ZNF831: variants seen among roughly 807,000 people sequenced by gnomAD.
ZNF831 encodes the protein chromosome 20 open reading frame 174.
Under a neutral mutation model 95.8 loss-of-function variants are expected in ZNF831, and 59 were observed. The observed-to-expected ratio is 0.62, with a 90% CI of 0.50 to 0.77. The LOEUF is 0.77. ZNF831 is among the 30% of genes least tolerant of loss of function. The pLI is 0.00. For missense variants in ZNF831, 2,205 were observed against 2,164.0 expected, an observed-to-expected ratio of 1.02 and a Z score of -0.38; for synonymous variants, 961 against 925.5, an observed-to-expected ratio of 1.04 and a Z score of -0.70.
At chr20:59,137,097 C>A (rs1465140923) in intron 1 of ZNF831, among the ~76,000 whole-genome samples, 1 of 152,140 alleles carries the variant, frequency 6.6e-6, no homozygotes, top group Non-Finnish European at 1.5e-5. Context: ...GATCCATCAC[C>A]CACCTCTGGA....
At position 59,191,537 on chromosome 20, in the gene ZNF831, C is replaced by T. The variant is rs775463208; in HGVS notation, c.518C>T (p.Pro173Leu). Residue 173 changes from proline to leucine, a missense_variant, in exon 2 of 6, where the codon CCG becomes CTG. Transcript: ENST00000371030. Reference protein sequence around the residue: ...IRSHTGERPFPCATCGIAFKT... With the variant: ...IRSHTGERPFLCATCGIAFKT... The stretch of plus-strand genomic sequence containing the variant: ...TCCCACACGGGTGAGAGGCCCTTCC[C>T]GTGTGCCACCTGCGGCATCGCCTTT... The T allele has an allele frequency of 6.2e-7, 1 of 1,613,136 alleles. No homozygotes were observed. The highest frequency in any genetic ancestry group is 8.5e-7 in the Non-Finnish European group (1 of 1,179,996).
At chr20:59,242,754 C>T (rs951011193) in intron 4 of ZNF831, among the ~76,000 whole-genome samples, 1 of 152,204 alleles carries the variant, frequency 6.6e-6, no homozygotes, top group African/African-American at 2.4e-5. Flanking sequence ...ATGTATTTTT[C>T]TGCTCTTTCG....
At position 59,258,883 on chromosome 20, in the gene ZNF831, A is replaced by G. The variant is rs1331185638; in HGVS notation, c.*4140A>G. On this transcript the variant is annotated 3_prime_UTR_variant, in exon 6 of 6. Transcript: ENST00000371030. ...AAGAAGTATAGGAACAGTTGAGCAC[A>G]TTACTTCACCACTGGAAGAATAGGA... is the stretch of plus-strand genomic sequence containing the variant. 1.3e-5 allele frequency: 2 copies of G among 152,208 alleles called. No individual in the cohort carries two copies. The highest frequency in any genetic ancestry group is 2.9e-5 in the Non-Finnish European group (2 of 68,038). The allele number at this position is 152,208 out of a possible 1,614,324, so 9.4% of individuals were successfully genotyped here. A position where few individuals can be genotyped will look rare whatever the true frequency, so the allele number is the denominator to read the frequency against.
In ZNF831 at chr20:59,194,008, T is replaced by C. The variant is rs2146592787; in HGVS notation, c.2989T>C (p.Ser997Pro). ...PLSPSPASGPSPGEADSILED... is the reference protein window; with the variant it reads ...PLSPSPASGPPPGEADSILED... Reference sequence around the variant, plus strand: ...TTCTCCCAGCCCAGCCTCAGGCCCCTCCCCAGGTGAGGCGGACAGCATCCT... The same window carrying C: ...TTCTCCCAGCCCAGCCTCAGGCCCCCCCCCAGGTGAGGCGGACAGCATCCT... Residue 997 changes from serine (S) to proline (P), a missense_variant, in exon 2 of 6, where the codon TCC (serine) becomes CCC (proline). Ser to Pro is a moderately conservative substitution (Grantham distance 74, BLOSUM62 -1). Transcript: ENST00000371030. The C allele has an allele frequency of 6.5e-7, 1 of 1,527,802 alleles. No homozygotes were observed. Among genetic ancestry groups the C allele is most frequent in the Non-Finnish European group, 8.8e-7 (1 of 1,139,828 alleles). The allele number at this position is 1,527,802 out of a possible 1,614,324, so 94.6% of individuals were successfully genotyped here. A position where few individuals can be genotyped will look rare whatever the true frequency, so the allele number is the denominator to read the frequency against.
chr20:59,210,401 T>G (rs570422357), intron 4 of ZNF831, among the ~76,000 whole-genome samples: 7 of 152,200 alleles, frequency 4.6e-5, no homozygotes, highest in Non-Finnish European at 8.8e-5. Context: ...ATGTGAGGAT[T>G]GTGTTTGTTG....
chr20:59,198,877 T>G (rs186175848), intron 3 of ZNF831, among the ~76,000 whole-genome samples: 6 of 152,274 alleles, frequency 3.9e-5, no homozygotes, highest in Admixed American at 3.9e-4. Context: ...CTCCTCCTCT[T>G]GCTCCTCACA....
intron 1 of ZNF831, among the ~76,000 whole-genome samples, chr20:59,129,221 GTGTA>G (rs1979273356): frequency 6.6e-6 from 1 of 152,136 alleles, no homozygotes; most frequent in Non-Finnish European, 1.5e-5. Context: ...TGTGTATGTT[GTGTA>G]TGTATGTGTG....
At chr20:59,164,860 G>T (rs1199087962) in intron 1 of ZNF831, among the ~76,000 whole-genome samples, 1 of 152,150 alleles carries the variant, frequency 6.6e-6, no homozygotes, top group African/African-American at 2.4e-5. Context: ...CTTTCCCGTA[G>T]CAAATCTTTC....
chr20:59,248,927 C>T (rs1404578027), intron 4 of ZNF831, among the ~76,000 whole-genome samples: 12 of 152,180 alleles, frequency 7.9e-5, no homozygotes, highest in Admixed American at 4.6e-4. Flanking sequence ...ACCTCTCTCC[C>T]GAGTTTGGCT....
chr20:59,221,560 A>G (rs1986076062), intron 4 of ZNF831, among the ~76,000 whole-genome samples: 1 of 152,166 alleles, frequency 6.6e-6, no homozygotes, highest in Non-Finnish European at 1.5e-5. Context: ...GTTTCCTCCA[A>G]ATGTTTTTCC....
chr20:59,154,477 T>C (rs1397535592), intron 2 of ZNF831, among the ~76,000 whole-genome samples: 1 of 152,172 alleles, frequency 6.6e-6, no homozygotes, highest in Admixed American at 6.5e-5. Context: ...CTCCTTTTCC[T>C]TCCACTTTCC....
rs1432078773 is a variant in ZNF831 at position 59,194,283 on chromosome 20, G to A, written c.3264G>A (p.Arg1088=). The A allele has an allele frequency of 1.2e-6, 2 of 1,613,894 alleles. No individual in the cohort carries two copies. Among genetic ancestry groups the A allele is most frequent in the Non-Finnish European group, 1.7e-6 (2 of 1,180,014 alleles). ...TGGGCAGCACTTTGGCAAGGGCCAG[G>A]CTCTCTGGGGATGTCCTGAATCCCT... is the stretch of plus-strand genomic sequence containing the variant. ...LCMGSTLARA[R]LSGDVLNPWV... The change falls in exon 2 of 6, where the codon AGG becomes AGA. Residue 1088 remains arginine (R), a synonymous_variant. Transcript: ENST00000371030.
Position 59,194,632 on chromosome 20 carries a change from G to A in ZNF831, c.3613G>A (p.Val1205Met), listed in dbSNP as rs2146602744. Residue 1205 changes from valine (V) to methionine (M), a missense_variant, in exon 2 of 6, where the codon GTG becomes ATG. Val to Met is a conservative substitution (Grantham distance 21). Coordinates refer to ENST00000371030, the MANE Select transcript of ZNF831 (RefSeq NM_178457.3). ...PAEQKAKAASVYLAVHFPGSS... is the reference protein window; with the variant it reads ...PAEQKAKAASMYLAVHFPGSS... The stretch of plus-strand genomic sequence containing the variant: ...GGAGCAGAAGGCAAAGGCGGCATCT[G>A]TGTACTTGGCGGTGCACTTTCCTGG... 6.2e-7 allele frequency: 1 copy of A among 1,613,624 alleles called. No individual in the cohort carries two copies.
intron 1 of ZNF831, among the ~76,000 whole-genome samples, chr20:59,170,923 C>T (rs998427936): frequency 5.3e-5 from 8 of 152,158 alleles, no homozygotes; most frequent in South Asian, 4.1e-4. Flanking sequence ...CAACCAGAGA[C>T]GTGGGTGTGT....
At chr20:59,140,689 G>A (rs1979650971) in intron 1 of ZNF831, among the ~76,000 whole-genome samples, 1 of 152,076 alleles carries the variant, frequency 6.6e-6, no homozygotes, top group Admixed American at 6.5e-5. Flanking sequence ...AACTGGGTCT[G>A]GGTGACCCAG....
At chr20:59,144,195 C>T (rs1271863830) in intron 1 of ZNF831, among the ~76,000 whole-genome samples, 1 of 152,112 alleles carries the variant, frequency 6.6e-6, no homozygotes, top group Non-Finnish European at 1.5e-5. Flanking sequence ...CATCTTGTCA[C>T]CCAACAAGAA....
intron 2 of ZNF831, among the ~76,000 whole-genome samples, chr20:59,158,497 C>G (rs921345783): frequency 6.6e-6 from 1 of 152,224 alleles, no homozygotes; most frequent in African/African-American, 2.4e-5. Context: ...GTTCTGCCCA[C>G]TCTGTGCCCA....
chr20:59,237,867 C>G (rs1272916463), intron 4 of ZNF831, among the ~76,000 whole-genome samples: 1 of 152,188 alleles, frequency 6.6e-6, no homozygotes, highest in African/African-American at 2.4e-5. Context: ...CAGACTGATT[C>G]GTCTAAGCTC....
At chr20:59,253,869 C>CCGGG in intron 5 of ZNF831, 29 bp from the exon 6 acceptor site, 21 of 1,067,444 alleles carry the variant, frequency 2.0e-5, no homozygotes, top group Non-Finnish European at 2.6e-5. Context: ...TCCCCCCCCA[C>CCGGG]TTTTTTTTTC....
Sources: allele counts gnomAD v4.1 joint callset (sites outside exome capture counted in the v4.1 genomes callset), GRCh38; gene constraint gnomAD v4.1.1; transcripts MANE v1.5; gene names NCBI Gene and HGNC (gene_info 2026-07-23, HGNC 2026-07-21).